Variants in TNFRSF19 observed in about 807,000 individuals in gnomAD.
TNFRSF19 encodes TNF receptor superfamily member 19.
TNFRSF19 carries 27 observed loss-of-function variants against 46.4 expected under a neutral mutation model. That is an observed-to-expected ratio of 0.58 (90% CI 0.43 to 0.80). The LOEUF (loss-of-function observed/expected upper bound fraction) is 0.80. TNFRSF19 is among the 30% of genes least tolerant of loss of function. TNFRSF19 has a pLI of 0.00. For missense variants in TNFRSF19, 511 were observed against 530.8 expected, an observed-to-expected ratio of 0.96 and a Z score of 0.37; for synonymous variants, 204 against 205.0, an observed-to-expected ratio of 1.00 and a Z score of 0.04.
At chr13:23,672,153 T>G (rs1251235064) in intron 9 of TNFRSF19, among the ~76,000 whole-genome samples, 1 of 152,236 alleles carries the variant, frequency 6.6e-6, no homozygotes, top group Non-Finnish European at 1.5e-5. Context: ...GTGGGTGATT[T>G]AAGATGACCC....
chr13:23,602,594 CT>C (rs1256609460), intron 3 of TNFRSF19, among the ~76,000 whole-genome samples: 1 of 152,008 alleles, frequency 6.6e-6, no homozygotes, highest in Non-Finnish European at 1.5e-5. Context: ...ATTCACCAAG[CT>C]AGACCACATA....
intron 9 of TNFRSF19, chr13:23,669,431 C>T (rs1951716781): frequency 3.0e-6 from 3 of 984,496 alleles, no homozygotes; most frequent in Non-Finnish European, 3.6e-6. Context: ...ACCTTCATTT[C>T]TTCCTGTTAT....
chr13:23,673,635 C>G lies in TNFRSF19; in HGVS notation c.*255C>G. ...CTCTGCATCTTTCCTACATGAGAAGCTTCTCTGCCACAAAAGTGACTTCAA... is the reference window on the plus strand; with the variant it reads ...CTCTGCATCTTTCCTACATGAGAAGGTTCTCTGCCACAAAAGTGACTTCAA... On this transcript the variant is annotated 3_prime_UTR_variant, in exon 10 of 10. Coordinates refer to ENST00000248484, the MANE Select transcript of TNFRSF19 (RefSeq NM_148957.4). 2.7e-6 allele frequency: 3 copies of G among 1,102,486 alleles called. No homozygotes were observed. Among genetic ancestry groups the G allele is most frequent in the Non-Finnish European group, 3.4e-6 (3 of 874,362 alleles). 68.3% of individuals were successfully genotyped at this position (1,102,486 alleles called of 1,614,324 possible).
chr13:23,668,938 C>T lies in TNFRSF19; in HGVS notation c.1086C>T (p.Val362=). 6.2e-7 allele frequency: 1 copy of T among 1,614,260 alleles called. No homozygotes were observed. The highest frequency in any genetic ancestry group is 1.1e-5 in the South Asian group (1 of 91,092). Residue 362 remains valine (V), a synonymous_variant, in exon 9 of 10, where the codon GTC becomes GTT. Coordinates refer to ENST00000248484, the MANE Select transcript of TNFRSF19 (RefSeq NM_148957.4). ...SQDLVGGAVP[V]QSHSENFTAA... ...ATTTGGTTGGTGGGGCTGTTCCAGT[C>T]CAGTCTCATTCTGAAAACTTTACAG...
chr13:23,594,233 C>G (rs1389674839), intron 3 of TNFRSF19: 1 of 452,384 alleles, frequency 2.2e-6, no homozygotes. Flanking sequence ...CTAGTGGCAT[C>G]TGGAACACCA....
chr13:23,646,250 C>T (rs1286344745), intron 5 of TNFRSF19, among the ~76,000 whole-genome samples: 1 of 152,176 alleles, frequency 6.6e-6, no homozygotes, highest in Non-Finnish European at 1.5e-5. Flanking sequence ...CAATCACTTC[C>T]TATTAGCTTT....
intron 3 of TNFRSF19, among the ~76,000 whole-genome samples, chr13:23,611,020 C>T (rs1338448164): frequency 6.6e-6 from 1 of 151,958 alleles, no homozygotes; most frequent in Non-Finnish European, 1.5e-5. Flanking sequence ...GGACCATGCT[C>T]CATAAACATA....
chr13:23,619,418 C>T (rs1310020554), intron 4 of TNFRSF19, among the ~76,000 whole-genome samples: 2 of 152,018 alleles, frequency 1.3e-5, no homozygotes, highest in African/African-American at 4.8e-5. Context: ...TATGAGGCTT[C>T]TTTGGGGGAT....
At chr13:23,648,266 A>G (rs1168131817) in intron 5 of TNFRSF19, among the ~76,000 whole-genome samples, 2 of 152,118 alleles carry the variant, frequency 1.3e-5, no homozygotes, top group African/African-American at 2.4e-5. Context: ...ATTTCTTTCA[A>G]TAATGTTTGG....
intron 4 of TNFRSF19, among the ~76,000 whole-genome samples, chr13:23,617,087 A>T (rs1881350073): frequency 6.6e-6 from 1 of 152,018 alleles, no homozygotes; most frequent in South Asian, 2.1e-4. Flanking sequence ...CAAAGGCTTG[A>T]AGGAGACGAG....
intron 7 of TNFRSF19, among the ~76,000 whole-genome samples, chr13:23,665,583 C>CAT (rs34969858): frequency 0.85 from 129,338 of 151,942 alleles, 55,227 homozygotes; most frequent in Admixed American, 0.9. Context: ...CAAATATTAA[C>CAT]GTTACCCATG....
chr13:23,625,149 T>G (rs1289570059), intron 4 of TNFRSF19, among the ~76,000 whole-genome samples: 1 of 152,166 alleles, frequency 6.6e-6, no homozygotes, highest in Non-Finnish European at 1.5e-5. Flanking sequence ...ATTCCTTTGT[T>G]TTCACTTAAT....
rs532429490 is a variant in TNFRSF19 at position 23,618,889 on chromosome 13, G to A, written c.359+2844G>A. ...CCTCACAAATATGCCCTGATAAAGGGGCTTGACAGAGGGAATTTGTTCCTT... is the reference window on the plus strand; with the variant it reads ...CCTCACAAATATGCCCTGATAAAGGAGCTTGACAGAGGGAATTTGTTCCTT... On this transcript the variant is annotated intron_variant, in intron 4 of 9. Coordinates refer to ENST00000248484, the MANE Select transcript of TNFRSF19 (RefSeq NM_148957.4). 9.9e-5 allele frequency among the ~76,000 whole-genome samples: 15 copies of A among 152,244 alleles called. 1 individual carries two copies. The South Asian group carries it at 3.1e-3, about 32-fold the overall frequency.
At chr13:23,578,145 A>G (rs971433126) in intron 1 of TNFRSF19, among the ~76,000 whole-genome samples, 56 of 152,232 alleles carry the variant, frequency 3.7e-4, no homozygotes, top group African/African-American at 1.3e-3. Flanking sequence ...GGAAACAGAT[A>G]AAGAAGTTCA....
In TNFRSF19 at chr13:23,621,430, A is replaced by G. The variant is rs532241271; in HGVS notation, c.360-5277A>G. On this transcript the variant is annotated intron_variant, in intron 4 of 9. Transcript: ENST00000248484. ...GAGCCCAGGACAGAGCAACGCTGTC[A>G]TCCAGTGTCTCACAGACACTTCAGA... is the stretch of plus-strand genomic sequence containing the variant. 4.3e-4 allele frequency among the ~76,000 whole-genome samples: 65 copies of G among 152,356 alleles called. No individual in the cohort carries two copies. The South Asian group carries it at 7.2e-3, about 17-fold the overall frequency.
intron 5 of TNFRSF19, among the ~76,000 whole-genome samples, chr13:23,652,852 A>G (rs1883732603): frequency 6.6e-6 from 1 of 152,198 alleles, no homozygotes; most frequent in Admixed American, 6.5e-5. Context: ...GTCATTTAAC[A>G]CATATTTATC....
intron 4 of TNFRSF19, 149 bp downstream of exon 4, chr13:23,616,194 A>T: frequency 1.2e-6 from 1 of 803,260 alleles, no homozygotes; most frequent in Non-Finnish European, 1.9e-6. Context: ...AGTATTAACC[A>T]CTGGATTATC....
Position 23,668,898 on chromosome 13 carries a change from C to T in TNFRSF19, c.1046C>T (p.Ser349Leu). The T allele has an allele frequency of 6.2e-7, 1 of 1,614,270 alleles. No individual in the cohort carries two copies. The highest frequency in any genetic ancestry group is 8.5e-7 in the Non-Finnish European group (1 of 1,180,052). The change falls in exon 9 of 10, where the codon TCA becomes TTA. Residue 349 changes from serine (S) to leucine (L), a missense_variant. Transcript: ENST00000248484. ...CTTGAAAGCTCAACGTCTTTGGATT[C>T]AAATAGCAGTCAAGATTTGGTTGGT... ...PELESSTSLD[S>L]NSSQDLVGGA...
intron 9 of TNFRSF19, among the ~76,000 whole-genome samples, chr13:23,672,252 T>C (rs1951772060): frequency 6.6e-6 from 1 of 152,222 alleles, no homozygotes; most frequent in African/African-American, 2.4e-5. Context: ...ATCAAGTTTT[T>C]CCTATACACA....
Sources: gnomAD v4.1 joint callset for allele counts (sites outside exome capture counted in the v4.1 genomes callset) on GRCh38, gnomAD v4.1.1 for gene constraint, MANE v1.5 for transcripts, NCBI Gene and HGNC (gene_info 2026-07-23, HGNC 2026-07-21) for gene names.